Variants in CSMD1 observed in about 807,000 individuals in gnomAD.
The protein encoded by CSMD1 is CUB and Sushi multiple domains 1, also known as CUB and sushi domain-containing protein 1.
Under a neutral mutation model 417.5 loss-of-function variants are expected in CSMD1, and 213 were observed. The observed-to-expected ratio is 0.51, with a 90% CI of 0.46 to 0.57. CSMD1 has a LOEUF of 0.57. CSMD1 is among the 20% of genes least tolerant of loss of function. The probability of loss-of-function intolerance (pLI) is 0.00; values close to 1 mark genes in which losing one functional copy is unlikely to be tolerated. For missense variants in CSMD1, 6,923 were observed against 4,529.7 expected, an observed-to-expected ratio of 1.53 and a Z score of -15.17; for synonymous variants, 2,862 against 1,736.8, an observed-to-expected ratio of 1.65 and a Z score of -16.11.
At chr8:3,613,044 CAAGT>C (rs1164493087) in intron 8 of CSMD1, among the ~76,000 whole-genome samples, 5 of 151,746 alleles carry the variant, frequency 3.3e-5, no homozygotes, top group African/African-American at 7.3e-5. Context: ...GCAGATGGAA[CAAGT>C]AAAATTTTTT....
intron 5 of CSMD1, among the ~76,000 whole-genome samples, chr8:3,910,946 C>G (rs1433453671): frequency 1.3e-5 from 2 of 152,176 alleles, no homozygotes; most frequent in Non-Finnish European, 2.9e-5. Flanking sequence ...TTGATCACGA[C>G]CAGGAACGCT....
At chr8:3,150,633 C>A (rs1481293295) in intron 40 of CSMD1, among the ~76,000 whole-genome samples, 2 of 152,088 alleles carry the variant, frequency 1.3e-5, no homozygotes, top group African/African-American at 4.8e-5. Flanking sequence ...ACAGAAATAC[C>A]CAGCTACTCT....
At chr8:4,855,563 G>A (rs1051054236) in intron 1 of CSMD1, among the ~76,000 whole-genome samples, 2 of 152,118 alleles carry the variant, frequency 1.3e-5, no homozygotes, top group African/African-American at 2.4e-5. Context: ...ACCAAGAACT[G>A]CTTAAAGGAG....
At chr8:3,933,224 A>AT (rs1563226087) in intron 5 of CSMD1, among the ~76,000 whole-genome samples, 2 of 135,982 alleles carry the variant, frequency 1.5e-5, no homozygotes, top group African/African-American at 2.7e-5. Flanking sequence ...TTAAGTAGAA[A>AT]AGGAGAAGAA....
intron 2 of CSMD1, among the ~76,000 whole-genome samples, chr8:4,596,429 A>G (rs1023412823): frequency 9.2e-5 from 14 of 152,190 alleles, no homozygotes; most frequent in African/African-American, 2.9e-4. Context: ...TTTCTAAACA[A>G]ATATAGCAAT....
At chr8:4,896,803 G>T (rs1481678048) in intron 1 of CSMD1, among the ~76,000 whole-genome samples, 1 of 151,978 alleles carries the variant, frequency 6.6e-6, no homozygotes, top group Non-Finnish European at 1.5e-5. Flanking sequence ...GGGTAGGGCG[G>T]GGGGAAGTGC....
chr8:4,237,048 C>G (rs1344655031), intron 3 of CSMD1, among the ~76,000 whole-genome samples: 1 of 152,182 alleles, frequency 6.6e-6, no homozygotes, highest in African/African-American at 2.4e-5. Flanking sequence ...TTGCCATGGA[C>G]AGATAACAAC....
intron 2 of CSMD1, among the ~76,000 whole-genome samples, chr8:4,601,438 G>C (rs912547236): frequency 1.3e-5 from 2 of 152,142 alleles, no homozygotes; most frequent in South Asian, 4.1e-4. Context: ...CACTTCTACA[G>C]GGATCATCTC....
intron 10 of CSMD1, among the ~76,000 whole-genome samples, chr8:3,551,835 G>C (rs899435059): frequency 6.6e-6 from 1 of 152,004 alleles, no homozygotes; most frequent in Non-Finnish European, 1.5e-5. Flanking sequence ...GTCTAGACGT[G>C]GCTTTAGCTA....
chr8:4,467,968 G>T (rs867097833), intron 2 of CSMD1, among the ~76,000 whole-genome samples: 1 of 152,128 alleles, frequency 6.6e-6, no homozygotes, highest in African/African-American at 2.4e-5. Flanking sequence ...GGTTTACAAG[G>T]CTTGACTAAG....
At chr8:3,664,452 T>C (rs1798578520) in intron 7 of CSMD1, among the ~76,000 whole-genome samples, 1 of 152,244 alleles carries the variant, frequency 6.6e-6, no homozygotes, top group African/African-American at 2.4e-5. Flanking sequence ...AAATGGAAAT[T>C]GCTCAGAAAG....
chr8:4,929,553 G>A (rs1027586242), intron 1 of CSMD1, among the ~76,000 whole-genome samples: 16 of 152,148 alleles, frequency 1.1e-4, no homozygotes, highest in African/African-American at 2.4e-5. Context: ...TCACCTCAGT[G>A]TAGAAAGGAA....
chr8:3,768,485 A>G (rs1288128695), intron 5 of CSMD1, among the ~76,000 whole-genome samples: 1 of 152,224 alleles, frequency 6.6e-6, no homozygotes, highest in East Asian at 1.9e-4. Flanking sequence ...GAAAATTTCT[A>G]GTTTATGCCA....
intron 3 of CSMD1, among the ~76,000 whole-genome samples, chr8:4,145,536 G>T (rs1332354491): frequency 6.6e-6 from 1 of 150,920 alleles, no homozygotes; most frequent in Admixed American, 6.6e-5. Context: ...ATCCCATTCA[G>T]AATTTCTTTA....
chr8:3,598,745 C>A (rs1289419276), intron 8 of CSMD1, among the ~76,000 whole-genome samples: 1 of 152,058 alleles, frequency 6.6e-6, no homozygotes, highest in Non-Finnish European at 1.5e-5. Context: ...TTTGTAATTT[C>A]CCCCCGCCCC....
At chr8:3,910,386 T>C (rs1419200082) in intron 5 of CSMD1, among the ~76,000 whole-genome samples, 1 of 152,152 alleles carries the variant, frequency 6.6e-6, no homozygotes, top group Non-Finnish European at 1.5e-5. Context: ...AGGAAGAGAC[T>C]CTGAAGATGC....
At chr8:4,367,478 G>T (rs1285263558) in intron 3 of CSMD1, among the ~76,000 whole-genome samples, 1 of 152,162 alleles carries the variant, frequency 6.6e-6, no homozygotes, top group Non-Finnish European at 1.5e-5. Flanking sequence ...AGTACAGTTT[G>T]AAATCGGGTA....
chr8:2,965,303 G>C (rs965558862), intron 59 of CSMD1, among the ~76,000 whole-genome samples: 2 of 152,274 alleles, frequency 1.3e-5, no homozygotes, highest in East Asian at 3.9e-4. Context: ...GTCATCTTCA[G>C]TCTCGGCAAC....
intron 2 of CSMD1, among the ~76,000 whole-genome samples, chr8:4,452,952 T>G (rs1328029820): frequency 6.6e-6 from 1 of 152,122 alleles, no homozygotes; most frequent in East Asian, 1.9e-4. Context: ...TAGCGTTGAT[T>G]TTTCAATTTA....
Sources: allele counts gnomAD v4.1 joint callset (sites outside exome capture counted in the v4.1 genomes callset), GRCh38; gene constraint gnomAD v4.1.1; transcripts MANE v1.5; gene names NCBI Gene and HGNC (gene_info 2026-07-23, HGNC 2026-07-21).